The following PLA2G4D variants were observed in gnomAD, a reference collection of about 807,000 sequenced individuals.
PLA2G4D encodes the protein cytosolic phospholipase A2 delta.
A neutral mutation model predicts 94.4 loss-of-function variants in PLA2G4D; 80 were observed. The ratio of observed to expected loss-of-function variants is 0.85; its 90% CI spans 0.71 to 1.02. PLA2G4D has a LOEUF of 1.02. Ranked by LOEUF, PLA2G4D falls within the 50% of genes least tolerant of loss-of-function variation. The pLI is 0.00. For synonymous variants in PLA2G4D, 438 were observed against 440.9 expected (o/e 0.99, Z 0.08); for missense variants, 1,050 against 1,034.7 (o/e 1.01, Z -0.20).
intron 10 of PLA2G4D, 53 bp downstream of exon 10, chr15:42,081,744 C>T: frequency 6.2e-7 from 1 of 1,613,818 alleles, no homozygotes; most frequent in South Asian, 1.1e-5. Context: ...CCATAGCCCT[C>T]CCCTCCTGCA....
At chr15:42,090,103 G>A (rs1890223033) in intron 1 of PLA2G4D, among the ~76,000 whole-genome samples, 1 of 152,190 alleles carries the variant, frequency 6.6e-6, no homozygotes, top group African/African-American at 2.4e-5. Flanking sequence ...CAGGTTGTCT[G>A]GATTTAAACC....
At chr15:42,081,415 A>T in intron 11 of PLA2G4D, 64 bp downstream of exon 11, 4 of 1,568,686 alleles carry the variant, frequency 2.5e-6, no homozygotes, top group Non-Finnish European at 3.5e-6. Flanking sequence ...GAGGCATAGG[A>T]ATCAGGTACT....
chr15:42,088,629 G>C (rs1050847702), intron 1 of PLA2G4D, among the ~76,000 whole-genome samples: 1 of 152,166 alleles, frequency 6.6e-6, no homozygotes, highest in Non-Finnish European at 1.5e-5. Flanking sequence ...TACTCAAATC[G>C]GTTTGGCAGG....
chr15:42,085,527 T>G lies in PLA2G4D; in HGVS notation c.392A>C (p.Glu131Ala). The G allele has an allele frequency of 6.2e-7, 1 of 1,613,500 alleles. No individual in the cohort carries two copies. Among genetic ancestry groups the G allele is most frequent in the Non-Finnish European group, 8.5e-7 (1 of 1,179,468 alleles). ...CAGGAACTCCACATCCAGCTCCTCC[T>G]CTCCCTGAAATCAGAGAGCATGAGC... ...RKTFSQSPQG[E>A]EELDVEFLME... is the part of the protein sequence containing the mutation. Residue 131 changes from glutamate (E) to alanine (A), a missense_variant, in exon 5 of 20, where the codon GAG (glutamate) becomes GCG (alanine). Coordinates refer to ENST00000290472, the MANE Select transcript of PLA2G4D (RefSeq NM_178034.4).
chr15:42,076,250 A>C (rs1362430327), intron 13 of PLA2G4D, among the ~76,000 whole-genome samples: 1 of 152,230 alleles, frequency 6.6e-6, no homozygotes, highest in African/African-American at 2.4e-5. Flanking sequence ...TTTGTTATTA[A>C]TGTGAGAAAA....
rs562278761 is a variant in PLA2G4D, at chr15:42,094,301, C to A, written c.45+114G>T. ...CTGCATCCCAAATCTCAGACTCCCT[C>A]GCCCTCTGGCCCAGTCTGAAATCAC... is the stretch of plus-strand genomic sequence containing the variant. On this transcript the variant is annotated intron_variant, in intron 1 of 19. Coordinates refer to ENST00000290472, the MANE Select transcript of PLA2G4D (RefSeq NM_178034.4). The A allele has an allele frequency of 8.0e-6, 10 of 1,247,076 alleles. No individual in the cohort carries two copies. The African/African-American group carries it at 1.5e-4, about 18-fold the overall frequency. The allele number at this position is 1,247,076 out of a possible 1,614,324, so 77.3% of individuals were successfully genotyped here.
intron 8 of PLA2G4D, 127 bp from the exon 9 acceptor site, chr15:42,082,516 C>T: frequency 1.9e-6 from 1 of 513,042 alleles, no homozygotes; most frequent in East Asian, 3.3e-5. Flanking sequence ...TGATAAGTAT[C>T]ATAATTATAA....
rs191357380 is a variant in PLA2G4D, at chr15:42,071,840, C to G, written c.1507G>C (p.Gly503Arg). The G allele has an allele frequency of 6.2e-7, 1 of 1,614,182 alleles. No homozygotes were observed. The highest frequency in any genetic ancestry group is 2.2e-5 in the East Asian group (1 of 44,870). Residue 503 changes from glycine (G) to arginine (R), a missense_variant, in exon 15 of 20, where the codon GGC becomes CGC. Transcript: ENST00000290472. ...AGCCGTCCCATGAAGAACTCGGAGC[C>G]GAAGAGCTCAGGAGGGACGAAGGCC... ...YGAFVPPELF[G>R]SEFFMGRLMR...
intron 13 of PLA2G4D, among the ~76,000 whole-genome samples, chr15:42,073,549 G>A (rs1332040952): frequency 6.6e-6 from 1 of 152,218 alleles, no homozygotes; most frequent in Non-Finnish European, 1.5e-5. Flanking sequence ...TGTGTACCAT[G>A]AATACGTCAT....
In PLA2G4D at chr15:42,068,571, C is replaced by T. The variant is rs1414588677; in HGVS notation, c.*144G>A. On this transcript the variant is annotated 3_prime_UTR_variant, in exon 20 of 20. Coordinates refer to ENST00000290472, the MANE Select transcript of PLA2G4D (RefSeq NM_178034.4). ...AAGAGAGAAGTCTGTGTGTGCAGTT[C>T]CCTCTGGGCAGTGAGACCAGCTACA... is the stretch of plus-strand genomic sequence containing the variant. 1.4e-6 allele frequency: 1 copy of T among 698,922 alleles called. No homozygotes were observed. Among genetic ancestry groups the T allele is most frequent in the African/African-American group, 1.8e-5 (1 of 55,660 alleles). The allele number at this position is 698,922 out of a possible 1,614,324, so 43.3% of individuals were successfully genotyped here.
At chr15:42,087,576 A>G (rs1890175077) in intron 2 of PLA2G4D, 52 bp downstream of exon 2, 1 of 1,610,410 alleles carries the variant, frequency 6.2e-7, no homozygotes, top group Non-Finnish European at 8.5e-7. Flanking sequence ...GGCCCTTCCT[A>G]TGGGATCTGG....
In PLA2G4D at chr15:42,087,375, C is replaced by G. The variant is rs1890170314; in HGVS notation, c.180G>C (p.Lys60Asn). 1 of 1,614,164 alleles carries G rather than the reference C, an allele frequency of 6.2e-7. No individual in the cohort carries two copies. ...GACTGGTGTCGGTGAGCGTCTTGGT[C>G]TTAAACTTCATTCCAGGTGCGGTCG... is the stretch of plus-strand genomic sequence containing the variant. Reference protein sequence around the residue: ...QLSTAPGMKFKTKTLTDTSHP... With the variant: ...QLSTAPGMKFNTKTLTDTSHP... Residue 60 changes from lysine (K) to asparagine (N), a missense_variant, in exon 3 of 20, where the codon AAG (lysine) becomes AAC (asparagine). Transcript: ENST00000290472.
Position 42,068,280 on chromosome 15 carries a change from G to A in PLA2G4D, c.*435C>T, listed in dbSNP as rs1295207298. On this transcript the variant is annotated 3_prime_UTR_variant, in exon 20 of 20. Coordinates refer to ENST00000290472, the MANE Select transcript of PLA2G4D (RefSeq NM_178034.4). ...AAAGAGGAGAAGGACAAGGAGAGGA[G>A]GAGGTGGAGGAGCAGGAAGAAGATG... 2 of 161,176 alleles carry A rather than the reference G, an allele frequency of 1.2e-5. No individual in the cohort carries two copies. Among genetic ancestry groups the A allele is most frequent in the Non-Finnish European group, 2.7e-5 (2 of 73,518 alleles). 10.0% of individuals were successfully genotyped at this position (161,176 alleles called of 1,614,324 possible). A position where few individuals can be genotyped will look rare whatever the true frequency, so the allele number is the denominator to read the frequency against.
At position 42,086,338 on chromosome 15, in the gene PLA2G4D, G is replaced by T. The variant is rs1367317130; in HGVS notation, c.262C>A (p.Leu88Met). 5.6e-6 allele frequency: 9 copies of T among 1,613,520 alleles called. No homozygotes were observed. Among genetic ancestry groups the T allele is most frequent in the Admixed American group, 1.7e-5 (1 of 59,998 alleles). ...TCCTCATCATAGATGCTAAGCTCCA[G>T]AACATTCTAGGAACCAGGAACAGCG... Reference protein sequence around the residue: ...FLIQSQVKNVLELSIYDEDSV... With the variant: ...FLIQSQVKNVMELSIYDEDSV... Residue 88 changes from leucine to methionine, a missense_variant, in exon 4 of 20, where the codon CTG becomes ATG. Coordinates refer to ENST00000290472, the MANE Select transcript of PLA2G4D (RefSeq NM_178034.4).
chr15:42,087,713 TCAAACTC>T lies in PLA2G4D; in HGVS notation c.46-20_46-14del. On this transcript the variant is annotated splice_polypyrimidine_tract_variant and intron_variant, in intron 1 of 19. Transcript: ENST00000290472. ...TAGAGGCCTCCCCCTGAAGAGAAAA[TCAAACTC>T]CAGAGTCCTTCCTGCATTCCCTCCC... The T allele has an allele frequency of 6.2e-7, 1 of 1,613,526 alleles. No individual in the cohort carries two copies. The highest frequency in any genetic ancestry group is 8.5e-7 in the Non-Finnish European group (1 of 1,179,632).
intron 6 of PLA2G4D, 31 bp downstream of exon 6, chr15:42,085,065 C>T (rs1890114336): frequency 1.2e-6 from 2 of 1,613,510 alleles, no homozygotes; most frequent in African/African-American, 1.3e-5. Context: ...TGCTCTGGGG[C>T]CCCTCCCCTA....
At position 42,068,340 on chromosome 15, in the gene PLA2G4D, C is replaced by T. The variant is rs189914801; in HGVS notation, c.*375G>A. On this transcript the variant is annotated 3_prime_UTR_variant, in exon 20 of 20. Transcript: ENST00000290472. ...TGTGTTCAGGATGTCTTGTGATTCCCGAGGCCTGAAGCCACCTGTCAGGTC... is the reference window on the plus strand; with the variant it reads ...TGTGTTCAGGATGTCTTGTGATTCCTGAGGCCTGAAGCCACCTGTCAGGTC... The T allele has an allele frequency of 9.4e-5, 21 of 224,202 alleles. No individual in the cohort carries two copies. The highest frequency in any genetic ancestry group is 7.6e-5 in the South Asian group (1 of 13,162). The allele number at this position is 224,202 out of a possible 1,614,324, so 13.9% of individuals were successfully genotyped here. A position where few individuals can be genotyped will look rare whatever the true frequency, so the allele number is the denominator to read the frequency against.
chr15:42,088,089 T>C (rs1890186272), intron 1 of PLA2G4D, among the ~76,000 whole-genome samples: 1 of 152,112 alleles, frequency 6.6e-6, no homozygotes, highest in Non-Finnish European at 1.5e-5. Context: ...AAAACAAGGG[T>C]TACCTTTGGT....
rs201421659 is a variant in PLA2G4D at position 42,069,327 on chromosome 15, T to C, written c.2231-386A>G. Among the ~76,000 whole-genome samples the C allele has an allele frequency of 4.1e-4, 62 of 152,180 alleles. No homozygotes were observed. In the East Asian group the frequency reaches 0.011, roughly 27 times the overall value. On this transcript the variant is annotated intron_variant, in intron 19 of 19. Transcript: ENST00000290472. ...AACTTGCTGAGAGATGAAGGTTCTT[T>C]AGAATTCTCAGATGTGGGCTGAGCA...
Sources: allele counts gnomAD v4.1 joint callset (sites outside exome capture counted in the v4.1 genomes callset), GRCh38; gene constraint gnomAD v4.1.1; transcripts MANE v1.5; gene names NCBI Gene and HGNC (gene_info 2026-07-23, HGNC 2026-07-21).